NF1: variants seen among roughly 807,000 people sequenced by gnomAD.
NF1 encodes the protein neurofibromin 1, also known as neurofibromin.
In NF1, 122 loss-of-function variants were observed where a neutral mutation model predicts 325.7. The observed-to-expected ratio is 0.37, with a 90% CI of 0.32 to 0.44. The LOEUF (loss-of-function observed/expected upper bound fraction) is 0.44, where lower values mean the gene tolerates loss of function less well. NF1 is among the 20% of genes least tolerant of loss of function. NF1 has a pLI of 1.00. For synonymous variants in NF1, 1,091 were observed against 1,186.0 expected, an observed-to-expected ratio of 0.92 and a Z score of 1.65; for missense variants, 2,140 against 3,415.4, an observed-to-expected ratio of 0.63 and a Z score of 9.31.
intron 1 of NF1, chr17:31,137,027 A>G (rs944285353): frequency 1.3e-5 from 2 of 152,124 alleles, no homozygotes; most frequent in Admixed American, 6.5e-5. Flanking sequence ...CTATTTCACT[A>G]TCTGTCTGCT....
Position 31,157,572 on chromosome 17 carries a change from C to T in NF1, c.205-1438C>T, listed in dbSNP as rs76154106. ...TTCAATACATATAATACATAGTGAT[C>T]CCACTAGGGTAATTAGCATATCCAT... On this transcript the variant is annotated intron_variant, in intron 2 of 57. Coordinates refer to ENST00000358273, the MANE Select transcript of NF1 (RefSeq NM_001042492.3). Among the ~76,000 whole-genome samples, 372 of 152,090 alleles carry T rather than the reference C, an allele frequency of 2.4e-3. 1 individual carries two copies. The highest frequency in any genetic ancestry group is 4.3e-3 in the Non-Finnish European group (292 of 67,994).
At chr17:31,166,860 C>T (rs1326931567) in intron 4 of NF1, among the ~76,000 whole-genome samples, 2 of 152,152 alleles carry the variant, frequency 1.3e-5, no homozygotes, top group Admixed American at 6.6e-5. Context: ...AAACCTCACT[C>T]ATCTTTCCTT....
chr17:31,349,545 T>C (rs768941801), intron 49 of NF1, among the ~76,000 whole-genome samples: 1 of 152,232 alleles, frequency 6.6e-6, no homozygotes, highest in Non-Finnish European at 1.5e-5. Context: ...TCTAGCACCC[T>C]GGGTCCTTAA....
chr17:31,295,555 T>C (rs1448593735), intron 36 of NF1: 1 of 1,613,662 alleles, frequency 6.2e-7, no homozygotes, highest in Non-Finnish European at 8.5e-7. Flanking sequence ...CCTTTAAAGA[T>C]GATATTTGGG....
At chr17:31,158,780 T>C (rs2065711868) in intron 2 of NF1, among the ~76,000 whole-genome samples, 1 of 152,200 alleles carries the variant, frequency 6.6e-6, no homozygotes, top group African/African-American at 2.4e-5. Flanking sequence ...CATCTTTTAC[T>C]GTTACAAGGT....
chr17:31,377,585 C>A lies in NF1; in HGVS notation c.*3430C>A, dbSNP rs2070749931. 1.3e-5 allele frequency: 3 copies of A among 232,928 alleles called. No homozygotes were observed. The highest frequency in any genetic ancestry group is 6.1e-5 in the East Asian group (1 of 16,510). 14.4% of individuals were successfully genotyped at this position (232,928 alleles called of 1,614,324 possible). A position where few individuals can be genotyped will look rare whatever the true frequency, so the allele number is the denominator to read the frequency against. ...AAAATCATAGAAATCCATTTCAGATCTTTATTGTTCCTCACCCCATTTTCC... is the reference window on the plus strand; with the variant it reads ...AAAATCATAGAAATCCATTTCAGATATTTATTGTTCCTCACCCCATTTTCC... On this transcript the variant is annotated 3_prime_UTR_variant, in exon 58 of 58. Coordinates refer to ENST00000358273, the MANE Select transcript of NF1 (RefSeq NM_001042492.3).
At chr17:31,308,978 C>G (rs1373253662) in intron 36 of NF1, among the ~76,000 whole-genome samples, 1 of 152,168 alleles carries the variant, frequency 6.6e-6, no homozygotes, top group Non-Finnish European at 1.5e-5. Flanking sequence ...TTATCTAGAG[C>G]ATATTATGTG....
intron 5 of NF1, among the ~76,000 whole-genome samples, chr17:31,170,442 G>C (rs1018564740): frequency 3.3e-5 from 5 of 152,332 alleles, no homozygotes; most frequent in South Asian, 2.1e-4. Context: ...AATTGAGCCA[G>C]AGATTTCATT....
chr17:31,123,253 C>A (rs891917087), intron 1 of NF1, among the ~76,000 whole-genome samples: 19 of 152,056 alleles, frequency 1.2e-4, no homozygotes, highest in African/African-American at 4.6e-4. Flanking sequence ...ATTCAAATCC[C>A]AGGGGTAAAC....
intron 36 of NF1, among the ~76,000 whole-genome samples, chr17:31,302,717 C>T (rs896580147): frequency 2.6e-5 from 4 of 151,890 alleles, no homozygotes; most frequent in Admixed American, 2.0e-4. Flanking sequence ...TGGTGGTGCA[C>T]GCCTGTAGTC....
chr17:31,220,824 A>G (rs1291865259), intron 14 of NF1, among the ~76,000 whole-genome samples: 3 of 152,196 alleles, frequency 2.0e-5, no homozygotes, highest in African/African-American at 7.2e-5. Context: ...TGTCACTTAA[A>G]AAAACTAGTG....
chr17:31,152,592 T>G (rs1444170740), intron 1 of NF1, among the ~76,000 whole-genome samples: 1 of 151,194 alleles, frequency 6.6e-6, no homozygotes, highest in African/African-American at 2.4e-5. Flanking sequence ...TCTTCTGTGT[T>G]AATTTACTCT....
In NF1 at chr17:31,308,465, A is replaced by G. The variant is rs543094968; in HGVS notation, c.4836-17355A>G. ...CTGTTAAGATAAAACTTCTAAATTG[A>G]GTTTTCTTCCTTCTGGCTTGAGTTA... is the stretch of plus-strand genomic sequence containing the variant. On this transcript the variant is annotated intron_variant, in intron 36 of 57. Transcript: ENST00000358273. Among the ~76,000 whole-genome samples, 10 of 152,140 alleles carry G rather than the reference A, an allele frequency of 6.6e-5. No homozygotes were observed. In the South Asian group the frequency reaches 2.1e-3, roughly 32 times the overall value.
chr17:31,352,209 A>G (rs376048459), intron 50 of NF1, 48 bp from the exon 51 acceptor site: 5 of 1,571,592 alleles, frequency 3.2e-6, no homozygotes, highest in African/African-American at 2.7e-5. Context: ...CGATGGTTGT[A>G]TTTGTCACCA....
At chr17:31,234,497 C>T (rs772272437) in intron 27 of NF1, among the ~76,000 whole-genome samples, 3 of 151,338 alleles carry the variant, frequency 2.0e-5, no homozygotes, top group Non-Finnish European at 2.9e-5. Flanking sequence ...CACCGTGAAA[C>T]CCTGTCTCTA....
At position 31,343,006 on chromosome 17, in the gene NF1, T is replaced by C. The variant is rs1241158120; in HGVS notation, c.7063-3T>C. 1 of 1,614,068 alleles carries C rather than the reference T, an allele frequency of 6.2e-7. No individual in the cohort carries two copies. Among genetic ancestry groups the C allele is most frequent in the Non-Finnish European group, 8.5e-7 (1 of 1,180,000 alleles). Reference sequence around the variant, plus strand: ...TCAACCATCTCATGATTATCTTTAATAGAGTCCAGAGGAAGTATTTATGGC... The same window carrying C: ...TCAACCATCTCATGATTATCTTTAACAGAGTCCAGAGGAAGTATTTATGGC... On this transcript the variant is annotated splice_region_variant and splice_polypyrimidine_tract_variant and intron_variant, in intron 47 of 57. Coordinates refer to ENST00000358273, the MANE Select transcript of NF1 (RefSeq NM_001042492.3).
chr17:31,284,408 G>T (rs1007610450), intron 36 of NF1, among the ~76,000 whole-genome samples: 1 of 151,956 alleles, frequency 6.6e-6, no homozygotes, highest in African/African-American at 2.4e-5. Context: ...TCAGTCTCCC[G>T]AGTAGCTGAG....
At chr17:31,328,695 T>G (rs2069407695) in intron 38 of NF1, among the ~76,000 whole-genome samples, 3 of 152,208 alleles carry the variant, frequency 2.0e-5, no homozygotes, top group African/African-American at 7.2e-5. Flanking sequence ...CCTGAGACTT[T>G]GAAGATTTTT....
intron 5 of NF1, among the ~76,000 whole-genome samples, chr17:31,172,890 T>C (rs1425156173): frequency 6.6e-6 from 1 of 152,112 alleles, no homozygotes; most frequent in Non-Finnish European, 1.5e-5. Context: ...TTCTGGGACT[T>C]GGTTATGCAG....
Sources: allele counts gnomAD v4.1 joint callset (sites outside exome capture counted in the v4.1 genomes callset), GRCh38; gene constraint gnomAD v4.1.1; transcripts MANE v1.5; gene names NCBI Gene and HGNC (gene_info 2026-07-23, HGNC 2026-07-21).